Variants in TBC1D17 observed in about 807,000 individuals in gnomAD.
TBC1D17 encodes the protein TBC1 domain family, member 17.
A neutral mutation model predicts 78.8 loss-of-function variants in TBC1D17; 69 were observed. That is an observed-to-expected ratio of 0.88 (90% CI 0.72 to 1.07). The LOEUF is 1.07. Ranked by LOEUF, TBC1D17 falls within the 50% of genes least tolerant of loss-of-function variation. The pLI, the probability that TBC1D17 is intolerant of heterozygous loss-of-function variation, is 0.00. For synonymous variants in TBC1D17, 456 were observed against 358.3 expected (o/e 1.27, Z -3.08); for missense variants, 957 against 861.0 (o/e 1.11, Z -1.39).
At position 49,877,798 on chromosome 19, in the gene TBC1D17, A is replaced by G. The variant is rs868690570; in HGVS notation, c.21+54A>G. On this transcript the variant is annotated intron_variant, in intron 1 of 16. Coordinates refer to ENST00000221543, the MANE Select transcript of TBC1D17 (RefSeq NM_024682.3). ...TCAGTGTATGCGAAACGCCCCGTCT[A>G]GTGATCAGCTCTTCTCTCAGGCCTT... The G allele has an allele frequency of 3.2e-5, 50 of 1,552,596 alleles. No homozygotes were observed. The Middle Eastern group carries it at 1.3e-3, about 42-fold the overall frequency.
chr19:49,888,051 C>T (rs1600455697), intron 15 of TBC1D17, 180 bp from the exon 16 acceptor site: 1 of 1,119,340 alleles, frequency 8.9e-7, no homozygotes, highest in Non-Finnish European at 1.3e-6. Context: ...CCTTCCCTCC[C>T]CGAGTACGTG....
In TBC1D17 at chr19:49,887,549, C is replaced by T. The variant is rs1021955361; in HGVS notation, c.1518C>T (p.Phe506=). 5.6e-6 allele frequency: 9 copies of T among 1,614,096 alleles called. No individual in the cohort carries two copies. The highest frequency in any genetic ancestry group is 4.4e-5 in the South Asian group (4 of 91,080). The part of the protein sequence containing the change: ...LLIWFKREFP[F]PDVLRLWEVL... ...TCTGGTTCAAGAGGGAATTCCCCTT[C>T]CCGGATGTCCTTCGGCTGTGGGAGG... Residue 506 remains phenylalanine, a synonymous_variant, in exon 14 of 17, where the codon TTC becomes TTT. Transcript: ENST00000221543.
At position 49,882,158 on chromosome 19, in the gene TBC1D17, T is replaced by C. The variant is rs768064011; in HGVS notation, c.639+6T>C. 3 of 1,613,922 alleles carry C rather than the reference T, an allele frequency of 1.9e-6. No individual in the cohort carries two copies. The highest frequency in any genetic ancestry group is 2.5e-6 in the Non-Finnish European group (3 of 1,179,952). On this transcript the variant is annotated splice_donor_region_variant and intron_variant, in intron 6 of 16. Coordinates refer to ENST00000221543, the MANE Select transcript of TBC1D17 (RefSeq NM_024682.3). ...ACAGCTCCAATGTGGTGTCAGTGAG[T>C]GTCCCCAGCAGGAGGCCTGGCGGGT...
chr19:49,878,032 C>T (rs2074973504), intron 1 of TBC1D17, 111 bp from the exon 2 acceptor site: 1 of 917,286 alleles, frequency 1.1e-6, no homozygotes. Context: ...GGGCAATGGC[C>T]CTCCCGGCCC....
intron 15 of TBC1D17, 181 bp downstream of exon 15, chr19:49,888,015 A>AT: frequency 1.1e-6 from 1 of 944,796 alleles, no homozygotes; most frequent in Non-Finnish European, 1.6e-6. Context: ...GCTCCCAGCA[A>AT]GGTCCTCCGG....
At chr19:49,878,112 C>G (rs753534207) in intron 1 of TBC1D17, 31 bp from the exon 2 acceptor site, 2 of 1,536,266 alleles carry the variant, frequency 1.3e-6, no homozygotes, top group Admixed American at 1.9e-5. Context: ...CTCGCTTGGG[C>G]CCCAGCCCTC....
chr19:49,883,167 A>G, intron 9 of TBC1D17, 91 bp downstream of exon 9: 2 of 1,198,280 alleles, frequency 1.7e-6, no homozygotes, highest in South Asian at 2.9e-5. Flanking sequence ...CTGGTTGTGA[A>G]CCTGCTGTAT....
At position 49,884,511 on chromosome 19, in the gene TBC1D17, G is replaced by C; in HGVS notation, c.1296G>C (p.Gln432His). The change falls in exon 12 of 17, where the codon CAG becomes CAC. Residue 432 changes from glutamine to histidine, a missense_variant. By Grantham distance (24) the Gln-to-His change is conservative. Transcript: ENST00000221543. ...DLLSPILYVIQNEVDAFWCFC... is the reference protein window; with the variant it reads ...DLLSPILYVIHNEVDAFWCFC... ...TCTCCCCGATCCTCTACGTCATTCA[G>C]AACGAGGTGGATGCTTTCTGGTGTT... is the stretch of plus-strand genomic sequence containing the variant. The C allele has an allele frequency of 3.7e-6, 6 of 1,614,194 alleles. No individual in the cohort carries two copies. Among genetic ancestry groups the C allele is most frequent in the Non-Finnish European group, 5.1e-6 (6 of 1,180,042 alleles).
Position 49,884,449 on chromosome 19 carries a change from G to GT in TBC1D17, c.1244-9dup. On this transcript the variant is annotated splice_polypyrimidine_tract_variant and intron_variant, in intron 11 of 16. Transcript: ENST00000221543. ...GGGCTTGGCTGCAGCCTGACCCCAT[G>GT]TCCCCCCAGGCTACGTCCAGGGCAT... The GT allele has an allele frequency of 6.2e-7, 1 of 1,613,998 alleles. No homozygotes were observed. Among genetic ancestry groups the GT allele is most frequent in the Non-Finnish European group, 8.5e-7 (1 of 1,179,886 alleles).
chr19:49,881,822 T>TG (rs367987203), intron 5 of TBC1D17, among the ~76,000 whole-genome samples: 15 of 152,210 alleles, frequency 9.9e-5, no homozygotes, highest in African/African-American at 3.6e-4. Context: ...TCAGTCACAC[T>TG]GGACCGGAAG....
intron 13 of TBC1D17, chr19:49,886,636 T>C (rs1219304384): frequency 6.6e-6 from 1 of 152,230 alleles, no homozygotes; most frequent in Non-Finnish European, 1.5e-5. Context: ...CTTCTTTAGG[T>C]TCACTTCCAA....
intron 14 of TBC1D17, 21 bp from the exon 15 acceptor site, chr19:49,887,697 C>T: frequency 2.5e-6 from 4 of 1,612,434 alleles, no homozygotes; most frequent in Non-Finnish European, 3.4e-6. Context: ...CTCCCTCCCT[C>T]CCTCTGTCCC....
At position 49,881,211 on chromosome 19, in the gene TBC1D17, G is replaced by A. The variant is rs564361089; in HGVS notation, c.320-57G>A. 244 of 1,517,034 alleles carry A rather than the reference G, an allele frequency of 1.6e-4. No individual in the cohort carries two copies. In the South Asian group the frequency reaches 2.4e-3, roughly 15 times the overall value. 94.0% of individuals were successfully genotyped at this position (1,517,034 alleles called of 1,614,324 possible). On this transcript the variant is annotated intron_variant, in intron 4 of 16. Transcript: ENST00000221543. ...CGAAGGAACATCCTGGGTTGTGGTT[G>A]ATAAGGCTGACTCTGGCTTCCCACG...
rs1444774989 is a variant in TBC1D17, at chr19:49,881,434, C to T, written c.486C>T (p.Arg162=). 35 of 1,611,488 alleles carry T rather than the reference C, an allele frequency of 2.2e-5. No individual in the cohort carries two copies. Among genetic ancestry groups the T allele is most frequent in the East Asian group, 4.5e-5 (2 of 44,884 alleles). Residue 162 remains arginine, a synonymous_variant, in exon 5 of 17, where the codon CGC becomes CGT. Transcript: ENST00000221543. Reference sequence around the variant, plus strand: ...TGCACTTCCACCGCGGGGGCACCCGCGCCCTGCTCCGCGTCCTCAGCCGCT... The same window carrying T: ...TGCACTTCCACCGCGGGGGCACCCGTGCCCTGCTCCGCGTCCTCAGCCGCT... ...PALHFHRGGT[R]ALLRVLSRYL...
In TBC1D17 at chr19:49,884,772, G is replaced by A. The variant is rs1352237888; in HGVS notation, c.1444+14G>A. On this transcript the variant is annotated intron_variant, in intron 13 of 16. Coordinates refer to ENST00000221543, the MANE Select transcript of TBC1D17 (RefSeq NM_024682.3). ...GCGACTTCCTGGGTATGTCTCTCGG[G>A]AGGGTGGGCAGGAGACAATGGGGCC... 1 of 1,612,354 alleles carries A rather than the reference G, an allele frequency of 6.2e-7. No individual in the cohort carries two copies. The highest frequency in any genetic ancestry group is 8.5e-7 in the Non-Finnish European group (1 of 1,179,026).
In TBC1D17 at chr19:49,877,952, G is replaced by C. The variant is rs1019061533; in HGVS notation, c.22-191G>C. On this transcript the variant is annotated intron_variant, in intron 1 of 16. Coordinates refer to ENST00000221543, the MANE Select transcript of TBC1D17 (RefSeq NM_024682.3). The stretch of plus-strand genomic sequence containing the variant: ...CCCCCCGGCTCAGGCGACTCCTTGA[G>C]CCCTGCCCCCTGTGGAACGCACGTC... The C allele has an allele frequency of 7.2e-5, 52 of 721,054 alleles. No individual in the cohort carries two copies. The African/African-American group carries it at 8.1e-4, about 11-fold the overall frequency. 44.7% of individuals were successfully genotyped at this position (721,054 alleles called of 1,614,324 possible).
intron 13 of TBC1D17, chr19:49,886,625 T>C (rs573793900): frequency 7.2e-5 from 11 of 152,336 alleles, no homozygotes; most frequent in African/African-American, 2.2e-4. Context: ...CTGGGTAATT[T>C]CTTCTTTAGG....
chr19:49,888,494 C>G lies in TBC1D17; in HGVS notation c.1817C>G (p.Thr606Ser), dbSNP rs1285350497. 4.4e-6 allele frequency: 7 copies of G among 1,575,234 alleles called. No individual in the cohort carries two copies. Among genetic ancestry groups the G allele is most frequent in the Non-Finnish European group, 6.0e-6 (7 of 1,165,798 alleles). ...PPAEPHSPSP[T>S]ASPLPLSPTR... is the part of the protein sequence containing the mutation. ...GCAGAGCCCCACAGCCCCTCGCCCACCGCCTCCCCGCTGCCTCTGTCGCCC... is the reference window on the plus strand; with the variant it reads ...GCAGAGCCCCACAGCCCCTCGCCCAGCGCCTCCCCGCTGCCTCTGTCGCCC... Residue 606 changes from threonine (T) to serine (S), a missense_variant, in exon 17 of 17, where the codon ACC becomes AGC. Physicochemically the swap from Thr to Ser is moderately conservative, Grantham distance 58 (BLOSUM62 1). Transcript: ENST00000221543.
intron 14 of TBC1D17, 58 bp downstream of exon 14, chr19:49,887,631 G>A: frequency 6.2e-7 from 1 of 1,610,650 alleles, no homozygotes; most frequent in South Asian, 1.1e-5. Flanking sequence ...GCCCTGGGAG[G>A]TTGGGCGGAG....
Sources: gnomAD v4.1 joint callset for allele counts (sites outside exome capture counted in the v4.1 genomes callset) on GRCh38, gnomAD v4.1.1 for gene constraint, MANE v1.5 for transcripts, NCBI Gene and HGNC (gene_info 2026-07-23, HGNC 2026-07-21) for gene names.